NCOR2: variants seen among roughly 807,000 people sequenced by gnomAD.
NCOR2 encodes CTG repeat protein 26.
NCOR2 carries 81 observed loss-of-function variants against 262.9 expected under a neutral mutation model. That is an observed-to-expected ratio of 0.31 (90% CI 0.26 to 0.37). The LOEUF (loss-of-function observed/expected upper bound fraction) is 0.37, where lower values mean the gene tolerates loss of function less well. NCOR2 is among the 10% of genes least tolerant of loss of function. The pLI is 1.00. For synonymous variants in NCOR2, 1,659 were observed against 1,559.3 expected (o/e 1.06, Z -1.51); for missense variants, 3,385 against 3,621.4 (o/e 0.93, Z 1.68).
intron 16 of NCOR2, among the ~76,000 whole-genome samples, chr12:124,387,168 G>A (rs1593318859): frequency 6.6e-6 from 1 of 152,260 alleles, no homozygotes; most frequent in East Asian, 1.9e-4. Context: ...AGGTTGGGGA[G>A]CTGAGGGGCA....
intron 1 of NCOR2, among the ~76,000 whole-genome samples, chr12:124,550,655 A>T: frequency 6.6e-6 from 1 of 152,188 alleles, no homozygotes; most frequent in East Asian, 1.9e-4. Context: ...TAGAGAACAC[A>T]TTTGTTCTGC....
At chr12:124,373,798 T>C (rs1255207702) in intron 19 of NCOR2, among the ~76,000 whole-genome samples, 1 of 8,736 alleles carries the variant, frequency 1.1e-4, no homozygotes, top group Non-Finnish European at 7.3e-4. Context: ...CGGTGGACAA[T>C]CATGAGGCCA....
In NCOR2 at chr12:124,531,794, G is replaced by A. The variant is rs1337476171; in HGVS notation, c.-118+3771C>T. Among the ~76,000 whole-genome samples the A allele has an allele frequency of 1.4e-5, 2 of 146,516 alleles. No individual in the cohort carries two copies. Among genetic ancestry groups the A allele is most frequent in the African/African-American group, 5.1e-5 (2 of 38,894 alleles). Reference sequence around the variant, plus strand: ...CCCCCTACACACCTTCGGTGTCCCCGATCACCCGCCCAGGGTACCCCGAGA... The same window carrying A: ...CCCCCTACACACCTTCGGTGTCCCCAATCACCCGCCCAGGGTACCCCGAGA... On this transcript the variant is annotated intron_variant, in intron 1 of 46. Coordinates refer to the NCOR2 transcript ENST00000404621. The surrounding 1 kb of genome is among the most constrained non-coding windows in gnomAD (Gnocchi z 4.5).
chr12:124,482,001 T>G lies in NCOR2; in HGVS notation c.411+1595A>C, dbSNP rs2047516850. 6.6e-6 allele frequency among the ~76,000 whole-genome samples: 1 copy of G among 151,910 alleles called. No homozygotes were observed. The highest frequency in any genetic ancestry group is 2.1e-4 in the South Asian group (1 of 4,818). Reference sequence around the variant, plus strand: ...ATATTTTAGGGCAGAGGTGTCAGGATTTGCTGATGGACTGGAAGTACGCAG... The same window carrying G: ...ATATTTTAGGGCAGAGGTGTCAGGAGTTGCTGATGGACTGGAAGTACGCAG... On this transcript the variant is annotated intron_variant, in intron 3 of 46. Transcript: ENST00000405201. The surrounding 1 kb of genome is among the most constrained non-coding windows in gnomAD (Gnocchi z 6.3).
At chr12:124,554,041 C>T (rs1360449327) in intron 1 of NCOR2, among the ~76,000 whole-genome samples, 1 of 152,362 alleles carries the variant, frequency 6.6e-6, no homozygotes, top group East Asian at 1.9e-4. Context: ...CAAACCCCCA[C>T]TCAGGAGCCA....
intron 28 of NCOR2, chr12:124,348,811 G>C (rs553379901): frequency 3.0e-3 from 501 of 164,940 alleles, no homozygotes; most frequent in Non-Finnish European, 3.9e-3. Context: ...CGATACAGCA[G>C]AGTGGAGGTG....
At chr12:124,409,071 A>G (rs530300368) in intron 13 of NCOR2, among the ~76,000 whole-genome samples, 1 of 152,204 alleles carries the variant, frequency 6.6e-6, no homozygotes, top group Admixed American at 6.5e-5. Context: ...ATTTACCAGC[A>G]CTCTACGGCA....
intron 4 of NCOR2, among the ~76,000 whole-genome samples, chr12:124,470,646 A>G (rs12371681): frequency 0.13 from 20,019 of 152,256 alleles, 1,418 homozygotes; most frequent in South Asian, 0.2. Flanking sequence ...CAGTCCATAG[A>G]GACAGAGAGT....
chr12:124,343,532 C>T lies in NCOR2; in HGVS notation c.4715-306G>A, dbSNP rs896555268. ...AGTGAACGAAACAGAAATCCCAGCC[C>T]TCACAAGCTGACATTCAATGCGAGA... On this transcript the variant is annotated intron_variant, in intron 32 of 46. Coordinates refer to ENST00000405201, the Ensembl canonical transcript of NCOR2. Among the ~76,000 whole-genome samples the T allele has an allele frequency of 1.1e-4, 17 of 152,320 alleles. 1 individual carries two copies. Among genetic ancestry groups the T allele is most frequent in the African/African-American group, 4.1e-4 (17 of 41,552 alleles).
chr12:124,436,365 G>T (rs1217439251), intron 8 of NCOR2, among the ~76,000 whole-genome samples: 1 of 152,162 alleles, frequency 6.6e-6, no homozygotes, highest in Non-Finnish European at 1.5e-5. Context: ...AGGTGGGGCA[G>T]GGGGCTGCAG....
intron 1 of NCOR2, among the ~76,000 whole-genome samples, chr12:124,512,211 C>G (rs2049433395): frequency 6.6e-6 from 1 of 152,182 alleles, no homozygotes; most frequent in African/African-American, 2.4e-5. Flanking sequence ...CTCGCCCGGC[C>G]AACGACAGCA....
chr12:124,402,380 G>A (rs775937370), intron 14 of NCOR2, 24 bp downstream of exon 16: 4 of 1,612,962 alleles, frequency 2.5e-6, no homozygotes, highest in Admixed American at 3.3e-5. Context: ...GCCGGGCCCT[G>A]CAGGGGACAG....
At chr12:124,467,749 CTCATCT>C (rs2046538940) in intron 4 of NCOR2, among the ~76,000 whole-genome samples, 1 of 131,706 alleles carries the variant, frequency 7.6e-6, no homozygotes, top group African/African-American at 2.9e-5. Flanking sequence ...CCCCATCACC[CTCATCT>C]TCATCACCCC....
intron 15 of NCOR2, among the ~76,000 whole-genome samples, chr12:124,399,393 G>C (rs754336142): frequency 3.3e-5 from 5 of 152,148 alleles, no homozygotes; most frequent in Non-Finnish European, 5.9e-5. Context: ...CCTTGGGTCC[G>C]AGAGGACTAT....
At chr12:124,530,755 A>C (rs11057657) in intron 1 of NCOR2, among the ~76,000 whole-genome samples, 1 of 152,168 alleles carries the variant, frequency 6.6e-6, no homozygotes, top group Non-Finnish European at 1.5e-5. Context: ...GGTGAGAAAT[A>C]CCACACTCCT....
rs11057585 is a variant in NCOR2 at position 124,329,248 on chromosome 12, C to T, written c.6958+1597G>A. ...GGCCCAATGTGGGTGGATCATCTGA[C>T]GTCAGGAGTTCGAGATCAGCCTGGC... On this transcript the variant is annotated intron_variant, in intron 44 of 46. Coordinates refer to ENST00000405201, the Ensembl canonical transcript of NCOR2. The T allele has an allele frequency of 2.7e-4, 114 of 424,180 alleles. 1 individual carries two copies. The East Asian group carries it at 7.3e-3, about 27-fold the overall frequency. The allele number at this position is 424,180 out of a possible 1,614,324, so 26.3% of individuals were successfully genotyped here.
intron 40 of NCOR2, 115 bp downstream of exon 42, chr12:124,335,020 G>A: frequency 6.6e-7 from 1 of 1,523,132 alleles, no homozygotes; most frequent in Non-Finnish European, 9.0e-7. Flanking sequence ...GCCATGCCCT[G>A]GATCCCCCAG....
At position 124,564,178 on chromosome 12, in the gene NCOR2, G is replaced by C. The variant is rs78926481; in HGVS notation, c.-165+3130C>G. ...AGGCTGAGAGTTCGCCGGATGGGTT[G>C]TAAAGTCAGTTCCCTGGCTCCAAGC... On this transcript the variant is annotated intron_variant, in intron 1 of 32. Coordinates refer to the NCOR2 transcript ENST00000458234. 0.01 allele frequency among the ~76,000 whole-genome samples: 1,599 copies of C among 152,314 alleles called. 116 individuals are homozygous for C. In the East Asian group the frequency reaches 0.18, roughly 17 times the overall value.
Position 124,325,384 on chromosome 12 carries a change from C to CGCG in NCOR2, c.*17_*18insCGC. Reference sequence around the variant, plus strand: ...TCGCTGGGACCTGACACCGCCCCCCCCCCCGCCCTGTTCTGAGTCACTCGC... The same window carrying CGCG: ...TCGCTGGGACCTGACACCGCCCCCCCGCGCCCCGCCCTGTTCTGAGTCACTCGC... On this transcript the variant is annotated 3_prime_UTR_variant, in exon 47 of 47. Coordinates refer to ENST00000405201, the Ensembl canonical transcript of NCOR2. 4.1e-6 allele frequency: 2 copies of CGCG among 486,684 alleles called. 1 individual carries two copies. Among genetic ancestry groups the CGCG allele is most frequent in the Non-Finnish European group, 6.2e-6 (2 of 323,230 alleles). 30.1% of individuals were successfully genotyped at this position (486,684 alleles called of 1,614,324 possible).
Sources: allele counts gnomAD v4.1 joint callset (sites outside exome capture counted in the v4.1 genomes callset), GRCh38; gene constraint gnomAD v4.1.1; non-coding constraint Gnocchi (gnomAD v3.1); transcripts MANE v1.5; gene names NCBI Gene and HGNC (gene_info 2026-07-23, HGNC 2026-07-21).